The following LRRC14 variants were observed in gnomAD, a reference collection of about 807,000 sequenced individuals.
LRRC14 encodes leucine rich repeat containing 14.
LRRC14 carries 16 observed loss-of-function variants against 25.3 expected under a neutral mutation model. That is an observed-to-expected ratio of 0.63 (90% confidence interval 0.43 to 0.96). The LOEUF (loss-of-function observed/expected upper bound fraction) is 0.96, where lower values mean the gene tolerates loss of function less well. Ranked by LOEUF, LRRC14 falls within the 40% of genes least tolerant of loss-of-function variation. The probability of loss-of-function intolerance (pLI) is 0.00; values close to 1 mark genes in which losing one functional copy is unlikely to be tolerated. For synonymous variants in LRRC14, 359 were observed against 295.1 expected, an observed-to-expected ratio of 1.22 and a Z score of -2.22; for missense variants, 594 against 660.5, an observed-to-expected ratio of 0.90 and a Z score of 1.10.
chr8:144,522,272 T>G lies in LRRC14; in HGVS notation c.*794T>G. On this transcript the variant is annotated 3_prime_UTR_variant, in exon 4 of 4. Coordinates refer to ENST00000292524, the MANE Select transcript of LRRC14 (RefSeq NM_014665.4). ...AGAGCTGGAGGTTGGGGTGATGTCT[T>G]TTCGGAAGAGCTTCAAGGGAGGTGT... The G allele has an allele frequency of 5.5e-6, 4 of 721,008 alleles. No individual in the cohort carries two copies. Among genetic ancestry groups the G allele is most frequent in the Non-Finnish European group, 8.1e-6 (4 of 496,328 alleles). 44.7% of individuals were successfully genotyped at this position (721,008 alleles called of 1,614,324 possible). A position where few individuals can be genotyped will look rare whatever the true frequency, so the allele number is the denominator to read the frequency against.
intron 3 of LRRC14, 29 bp from the exon 4 acceptor site, chr8:144,520,882 C>T: frequency 6.3e-7 from 1 of 1,597,852 alleles, no homozygotes; most frequent in Non-Finnish European, 8.5e-7. Context: ...CCTGGCTCTG[C>T]CTGTCTGTGA....
Position 144,520,454 on chromosome 8 carries a change from G to A in LRRC14, c.546G>A (p.Arg182=), listed in dbSNP as rs1038287940. The A allele has an allele frequency of 2.6e-5, 41 of 1,597,686 alleles. No homozygotes were observed. The highest frequency in any genetic ancestry group is 3.1e-5 in the Non-Finnish European group (36 of 1,175,714). The change falls in exon 3 of 4, where the codon CGG becomes CGA. Residue 182 remains arginine, a synonymous_variant. Transcript: ENST00000292524. ...RVNRASYAFL[R]EALRSSVGSP... ...ACCGGGCCTCCTATGCGTTCCTGCGGGAGGCACTCCGAAGCAGCGTGGGCA... is the reference window on the plus strand; with the variant it reads ...ACCGGGCCTCCTATGCGTTCCTGCGAGAGGCACTCCGAAGCAGCGTGGGCA...
In LRRC14 at chr8:144,523,208, G is replaced by T. The variant is rs1816199052; in HGVS notation, c.*1730G>T. On this transcript the variant is annotated 3_prime_UTR_variant, in exon 4 of 4. Coordinates refer to ENST00000292524, the MANE Select transcript of LRRC14 (RefSeq NM_014665.4). ...CCGCAGGTCCTCACCCAGGTTGGCT[G>T]TGAGCTCCAGCGGCTGCACGTGGAC... 6.2e-7 allele frequency: 1 copy of T among 1,609,472 alleles called. No homozygotes were observed. The highest frequency in any genetic ancestry group is 2.2e-5 in the East Asian group (1 of 44,690).
Position 144,519,607 on chromosome 8 carries a change from T to C in LRRC14, c.-111-8T>C. On this transcript the variant is annotated splice_region_variant and splice_polypyrimidine_tract_variant and intron_variant, in intron 1 of 3. Coordinates refer to ENST00000292524, the MANE Select transcript of LRRC14 (RefSeq NM_014665.4). ...CATGGCCACTGCTAACTGCTGACTTTGTTTCAGGCACTATGCTGGGCCTTC... is the reference window on the plus strand; with the variant it reads ...CATGGCCACTGCTAACTGCTGACTTCGTTTCAGGCACTATGCTGGGCCTTC... 1 of 864,040 alleles carries C rather than the reference T, an allele frequency of 1.2e-6. No individual in the cohort carries two copies. Among genetic ancestry groups the C allele is most frequent in the South Asian group, 1.6e-5 (1 of 61,566 alleles). The allele number at this position is 864,040 out of a possible 1,614,324, so 53.5% of individuals were successfully genotyped here. A position where few individuals can be genotyped will look rare whatever the true frequency, so the allele number is the denominator to read the frequency against.
Position 144,525,128 on chromosome 8 carries a change from A to G in LRRC14, c.*3650A>G. 1.3e-6 allele frequency: 1 copy of G among 748,738 alleles called. No individual in the cohort carries two copies. Among genetic ancestry groups the G allele is most frequent in the South Asian group, 3.7e-5 (1 of 26,844 alleles). The allele number at this position is 748,738 out of a possible 1,614,324, so 46.4% of individuals were successfully genotyped here. ...CCTGCGTCTAACTTTTGACGCTATA[A>G]ATAGGTTCAAGAAACTAATAAAACG... On this transcript the variant is annotated 3_prime_UTR_variant, in exon 4 of 4. Coordinates refer to ENST00000292524, the MANE Select transcript of LRRC14 (RefSeq NM_014665.4).
chr8:144,522,836 A>G lies in LRRC14; in HGVS notation c.*1358A>G. The G allele has an allele frequency of 2.9e-6, 4 of 1,399,004 alleles. No homozygotes were observed. Among genetic ancestry groups the G allele is most frequent in the Non-Finnish European group, 3.7e-6 (4 of 1,078,080 alleles). 86.7% of individuals were successfully genotyped at this position (1,399,004 alleles called of 1,614,324 possible). On this transcript the variant is annotated 3_prime_UTR_variant, in exon 4 of 4. Coordinates refer to ENST00000292524, the MANE Select transcript of LRRC14 (RefSeq NM_014665.4). ...GGCCACGCCCAGGGCGCGGAAGGCC[A>G]TGCTGCCCGCCTCGGGCCGGGGCTC...
rs763581224 is a variant in LRRC14, at chr8:144,524,664, G to A, written c.*3186G>A. 2 of 1,491,220 alleles carry A rather than the reference G, an allele frequency of 1.3e-6. No homozygotes were observed. Among genetic ancestry groups the A allele is most frequent in the South Asian group, 1.3e-5 (1 of 77,548 alleles). The allele number at this position is 1,491,220 out of a possible 1,614,324, so 92.4% of individuals were successfully genotyped here. A position where few individuals can be genotyped will look rare whatever the true frequency, so the allele number is the denominator to read the frequency against. On this transcript the variant is annotated 3_prime_UTR_variant, in exon 4 of 4. Transcript: ENST00000292524. ...GTAGAGCCGGCGCAGAGCGGCGAGT[G>A]GCGCCAGGGCTCCCGGCTCTAGGCG...
In LRRC14 at chr8:144,519,835, T is replaced by C; in HGVS notation, c.110T>C (p.Val37Ala). Reference sequence around the variant, plus strand: ...GAACTCTTCCCCCTGCTGTTCAAGGTGGCCTTCATGGACAAGAAGACAGTG... The same window carrying C: ...GAACTCTTCCCCCTGCTGTTCAAGGCGGCCTTCATGGACAAGAAGACAGTG... ...PRELFPLLFK[V>A]AFMDKKTVVL... The change falls in exon 2 of 4, where the codon GTG becomes GCG. Residue 37 changes from valine to alanine, a missense_variant. Coordinates refer to ENST00000292524, the MANE Select transcript of LRRC14 (RefSeq NM_014665.4). The C allele has an allele frequency of 6.2e-7, 1 of 1,613,512 alleles. No individual in the cohort carries two copies. The highest frequency in any genetic ancestry group is 8.5e-7 in the Non-Finnish European group (1 of 1,180,022).
rs199698941 is a variant in LRRC14 at position 144,524,096 on chromosome 8, C to A, written c.*2618C>A. Reference sequence around the variant, plus strand: ...CCGTGGCCCAGACAGAGACGCTTTCCGAGGAAGAGGTACCTGTGAGGCGCA... The same window carrying A: ...CCGTGGCCCAGACAGAGACGCTTTCAGAGGAAGAGGTACCTGTGAGGCGCA... On this transcript the variant is annotated 3_prime_UTR_variant, in exon 4 of 4. Coordinates refer to ENST00000292524, the MANE Select transcript of LRRC14 (RefSeq NM_014665.4). 7,593 of 1,591,516 alleles carry A rather than the reference C, an allele frequency of 4.8e-3. 17 individuals are homozygous for A. The highest frequency in any genetic ancestry group is 6.0e-3 in the Non-Finnish European group (6,993 of 1,164,402).
rs773735464 is a variant in LRRC14, at chr8:144,522,608, A to G, written c.*1130A>G. The G allele has an allele frequency of 2.4e-5, 37 of 1,570,172 alleles. No homozygotes were observed. The highest frequency in any genetic ancestry group is 3.1e-5 in the Non-Finnish European group (36 of 1,160,758). ...CGGCTTGGAGCGGTTGATGACGAAC[A>G]TCTCGTGGCCGCGCTCGTCGCGGAG... On this transcript the variant is annotated 3_prime_UTR_variant, in exon 4 of 4. Coordinates refer to ENST00000292524, the MANE Select transcript of LRRC14 (RefSeq NM_014665.4).
In LRRC14 at chr8:144,524,153, CT is replaced by C; in HGVS notation, c.*2676del. The C allele has an allele frequency of 6.2e-7, 1 of 1,610,000 alleles. No individual in the cohort carries two copies. On this transcript the variant is annotated 3_prime_UTR_variant, in exon 4 of 4. Transcript: ENST00000292524. ...GCAGACTGGCCAGGGGCTGCAGGGC[CT>C]CTCGGCTGATGGTGCCCAGCTGGTT...
In LRRC14 at chr8:144,525,148, A is replaced by G. The variant is rs1224699729; in HGVS notation, c.*3670A>G. 5 of 617,120 alleles carry G rather than the reference A, an allele frequency of 8.1e-6. No homozygotes were observed. The allele number at this position is 617,120 out of a possible 1,614,324, so 38.2% of individuals were successfully genotyped here. ...CTATAAATAGGTTCAAGAAACTAAT[A>G]AAACGTTCTGGTTTTCTCCTTTGAC... On this transcript the variant is annotated 3_prime_UTR_variant, in exon 4 of 4. Coordinates refer to ENST00000292524, the MANE Select transcript of LRRC14 (RefSeq NM_014665.4).
Position 144,519,774 on chromosome 8 carries a change from C to T in LRRC14, c.49C>T (p.Pro17Ser). Residue 17 changes from proline to serine, a missense_variant, in exon 2 of 4, where the codon CCA (proline) becomes TCA (serine). Coordinates refer to ENST00000292524, the MANE Select transcript of LRRC14 (RefSeq NM_014665.4). ...LSTRQVLQCQPAACQALPLLP... is the reference protein window; with the variant it reads ...LSTRQVLQCQSAACQALPLLP... Reference sequence around the variant, plus strand: ...CACACGGCAGGTGCTGCAGTGCCAGCCAGCTGCCTGCCAGGCCCTGCCCTT... The same window carrying T: ...CACACGGCAGGTGCTGCAGTGCCAGTCAGCTGCCTGCCAGGCCCTGCCCTT... 1.9e-6 allele frequency: 3 copies of T among 1,612,892 alleles called. No homozygotes were observed. The highest frequency in any genetic ancestry group is 2.5e-6 in the Non-Finnish European group (3 of 1,180,014).
rs1207549934 is a variant in LRRC14, at chr8:144,520,794, C to T, written c.886C>T (p.Leu296Phe). Residue 296 changes from leucine to phenylalanine, a missense_variant, in exon 3 of 4, where the codon CTT (leucine) becomes TTT (phenylalanine). Transcript: ENST00000292524. ...LRELSMGSSL[L>F]SGRLDQLLST... Reference sequence around the variant, plus strand: ...TGAGCTCAGCATGGGCTCCTCTCTCCTTTCAGGGAGGCTGGACCAGCTGCT... The same window carrying T: ...TGAGCTCAGCATGGGCTCCTCTCTCTTTTCAGGGAGGCTGGACCAGCTGCT... 1.3e-6 allele frequency: 2 copies of T among 1,597,942 alleles called. No individual in the cohort carries two copies. The highest frequency in any genetic ancestry group is 1.7e-6 in the Non-Finnish European group (2 of 1,179,488).
In LRRC14 at chr8:144,522,238, C is replaced by T. The variant is rs1410327426; in HGVS notation, c.*760C>T. 5.9e-6 allele frequency: 3 copies of T among 512,646 alleles called. No homozygotes were observed. Among genetic ancestry groups the T allele is most frequent in the African/African-American group, 4.0e-5 (2 of 50,176 alleles). 31.8% of individuals were successfully genotyped at this position (512,646 alleles called of 1,614,324 possible). A position where few individuals can be genotyped will look rare whatever the true frequency, so the allele number is the denominator to read the frequency against. ...GCCGGCCAGGGCCAGCGAGGGACCC[C>T]CCCCATGCAGAGCTGGAGGTTGGGG... On this transcript the variant is annotated 3_prime_UTR_variant, in exon 4 of 4. Transcript: ENST00000292524.
chr8:144,525,068 C>T lies in LRRC14; in HGVS notation c.*3590C>T, dbSNP rs760677666. Reference sequence around the variant, plus strand: ...AGGTTGGCAGGCCAGTCTCGGCAGTCGAGAGCCAGCCAATAGATGGAATGG... The same window carrying T: ...AGGTTGGCAGGCCAGTCTCGGCAGTTGAGAGCCAGCCAATAGATGGAATGG... On this transcript the variant is annotated 3_prime_UTR_variant, in exon 4 of 4. Coordinates refer to ENST00000292524, the MANE Select transcript of LRRC14 (RefSeq NM_014665.4). 3.8e-5 allele frequency: 51 copies of T among 1,329,380 alleles called. No homozygotes were observed. Among genetic ancestry groups the T allele is most frequent in the Non-Finnish European group, 4.6e-5 (48 of 1,038,620 alleles). 82.3% of individuals were successfully genotyped at this position (1,329,380 alleles called of 1,614,324 possible).
rs1815840243 is a variant in LRRC14 at position 144,519,657 on chromosome 8, G to C, written c.-69G>C. 1.4e-6 allele frequency: 2 copies of C among 1,389,510 alleles called. No individual in the cohort carries two copies. Among genetic ancestry groups the C allele is most frequent in the Non-Finnish European group, 2.0e-6 (2 of 1,017,178 alleles). 86.1% of individuals were successfully genotyped at this position (1,389,510 alleles called of 1,614,324 possible). ...CCTACCACTTGTGTGTGGCTTGGTA[G>C]TGGCCTAGGGTCTCTCCTCCCTGCT... On this transcript the variant is annotated 5_prime_UTR_variant, in exon 2 of 4. Transcript: ENST00000292524.
At position 144,520,267 on chromosome 8, in the gene LRRC14, C is replaced by T. The variant is rs573909145; in HGVS notation, c.359C>T (p.Thr120Met). ...RKHALRVLDM[T>M]GLLDDGVEQD... is the part of the protein sequence containing the mutation. ...CATGCGCTGCGGGTGCTGGACATGA[C>T]GGGCCTCTTGGATGATGGTGTGGAA... The change falls in exon 3 of 4, where the codon ACG becomes ATG. Residue 120 changes from threonine (T) to methionine (M), a missense_variant. Transcript: ENST00000292524. The T allele has an allele frequency of 3.7e-6, 6 of 1,610,714 alleles. No individual in the cohort carries two copies. The highest frequency in any genetic ancestry group is 2.2e-5 in the East Asian group (1 of 44,888).
chr8:144,525,064 C>T lies in LRRC14; in HGVS notation c.*3586C>T. ...ACACAGGTTGGCAGGCCAGTCTCGG[C>T]AGTCGAGAGCCAGCCAATAGATGGA... On this transcript the variant is annotated 3_prime_UTR_variant, in exon 4 of 4. Transcript: ENST00000292524. The T allele has an allele frequency of 7.5e-7, 1 of 1,337,868 alleles. No individual in the cohort carries two copies. The highest frequency in any genetic ancestry group is 1.5e-5 in the African/African-American group (1 of 65,138). 82.9% of individuals were successfully genotyped at this position (1,337,868 alleles called of 1,614,324 possible).
Sources: allele counts gnomAD v4.1 joint callset, GRCh38; gene constraint gnomAD v4.1.1; transcripts MANE v1.5; gene names NCBI Gene and HGNC (gene_info 2026-07-23, HGNC 2026-07-21).